Variants in ELMO1 observed in about 807,000 individuals in gnomAD.
ELMO1 encodes the protein engulfment and cell motility 1, also known as engulfment and cell motility protein 1.
In ELMO1, 26 loss-of-function variants were observed where a neutral mutation model predicts 98.9. The observed-to-expected ratio is 0.26, with a 90% confidence interval of 0.19 to 0.36. The LOEUF (loss-of-function observed/expected upper bound fraction) is 0.36. ELMO1 is among the 10% of genes least tolerant of loss of function. The probability of loss-of-function intolerance (pLI) is 1.00; values close to 1 mark genes in which losing one functional copy is unlikely to be tolerated. For missense variants in ELMO1, 627 were observed against 935.2 expected (o/e 0.67, Z 4.30); for synonymous variants, 346 against 346.0 (o/e 1.00, Z 0.00).
At chr7:37,207,907 T>TTAC (rs1263894659) in intron 13 of ELMO1, among the ~76,000 whole-genome samples, 1 of 152,212 alleles carries the variant, frequency 6.6e-6, no homozygotes, top group East Asian at 1.9e-4. Flanking sequence ...GTGTTATGAC[T>TTAC]AAACTTACAA....
At position 37,342,652 on chromosome 7, in the gene ELMO1, T is replaced by C. The variant is rs575422538; in HGVS notation, c.39A>G (p.Glu13=). 2.0e-4 allele frequency: 317 copies of C among 1,613,010 alleles called. 2 individuals carry two copies. The South Asian group carries it at 3.4e-3, about 17-fold the overall frequency. Residue 13 remains glutamate (E), a synonymous_variant, in exon 2 of 22, where the codon GAA becomes GAG. Transcript: ENST00000310758. The surrounding 1 kb of genome is among the most constrained non-coding windows in gnomAD (Gnocchi z 4.3). ...PPADIVKVAI[E]WPGAYPKLME... ...TGAGTTTGGGGTAGGCGCCCGGCCA[T>C]TCTATGGCCACCTTGACGATGTCCG...
At chr7:37,165,336 C>G (rs1330888846) in intron 13 of ELMO1, among the ~76,000 whole-genome samples, 1 of 150,966 alleles carries the variant, frequency 6.6e-6, no homozygotes, top group Admixed American at 6.6e-5. Flanking sequence ...ATTTCCTTCT[C>G]CTGCCTGATT....
At chr7:37,308,761 T>C (rs1023686558) in intron 4 of ELMO1, among the ~76,000 whole-genome samples, 4 of 152,168 alleles carry the variant, frequency 2.6e-5, no homozygotes, top group Admixed American at 6.5e-5. Context: ...GCCCAGATGA[T>C]GAGTGGCAGA....
intron 1 of ELMO1, among the ~76,000 whole-genome samples, chr7:37,398,934 T>C (rs936659389): frequency 5.3e-5 from 8 of 152,184 alleles, no homozygotes; most frequent in African/African-American, 1.9e-4. Flanking sequence ...TAGTGCGGCA[T>C]GGAGCAGTAT....
chr7:37,061,742 A>G (rs1203246393), intron 15 of ELMO1, among the ~76,000 whole-genome samples: 9 of 152,222 alleles, frequency 5.9e-5, no homozygotes, highest in Admixed American at 5.9e-4. Flanking sequence ...AACAATAAAC[A>G]AATTATACTG....
intron 15 of ELMO1, among the ~76,000 whole-genome samples, chr7:37,059,918 CG>C (rs1331867887): frequency 6.6e-6 from 1 of 152,184 alleles, no homozygotes; most frequent in Admixed American, 6.5e-5. Context: ...CACCTGTTGG[CG>C]TTTATTTCTG....
In ELMO1 at chr7:37,125,978, T is replaced by C. The variant is rs939389938; in HGVS notation, c.1191+7152A>G. On this transcript the variant is annotated intron_variant, in intron 14 of 21. Transcript: ENST00000310758. ...AATACTATGCAGCCATAAAAAATGA[T>C]GAGGTCATGTCCTTTGTAAGGACAT... is the stretch of plus-strand genomic sequence containing the variant. Among the ~76,000 whole-genome samples, 4 of 152,080 alleles carry C rather than the reference T, an allele frequency of 2.6e-5. No individual in the cohort carries two copies. In the East Asian group the frequency reaches 7.7e-4, roughly 29 times the overall value.
intron 21 of ELMO1, among the ~76,000 whole-genome samples, chr7:36,861,152 C>T (rs1359898587): frequency 6.6e-6 from 1 of 152,102 alleles, no homozygotes. Flanking sequence ...CAGCGTGCTA[C>T]AAGAAGAGAA....
At chr7:37,211,335 C>G in intron 13 of ELMO1, 51 bp downstream of exon 13, 1 of 1,612,528 alleles carries the variant, frequency 6.2e-7, no homozygotes, top group South Asian at 1.1e-5. Flanking sequence ...TGGCTGAGGT[C>G]AGGCCCGGGG....
intron 2 of ELMO1, among the ~76,000 whole-genome samples, chr7:37,331,333 CTTT>C (rs776303689): frequency 3.1e-4 from 9 of 28,736 alleles, no homozygotes; most frequent in African/African-American, 6.7e-4. Flanking sequence ...CCACGCCTGG[CTTT>C]TTTTTTTTTT....
At chr7:37,024,160 T>C (rs181791535) in intron 15 of ELMO1, among the ~76,000 whole-genome samples, 70 of 152,226 alleles carry the variant, frequency 4.6e-4, no homozygotes, top group Middle Eastern at 3.4e-3. Flanking sequence ...TCCATCTAAC[T>C]AGCAAGACGG....
chr7:36,978,237 C>T (rs1052950046), intron 16 of ELMO1, among the ~76,000 whole-genome samples: 11 of 151,866 alleles, frequency 7.2e-5, no homozygotes, highest in African/African-American at 2.7e-4. Flanking sequence ...GCTCATGGAG[C>T]CCAGAGGTAG....
chr7:37,097,300 G>A lies in ELMO1; in HGVS notation c.1192-573C>T, dbSNP rs138306537. On this transcript the variant is annotated intron_variant, in intron 14 of 21. Transcript: ENST00000310758. ...CGTCTGTAATCCCAGCACTGCGGGA[G>A]GCCGAGGCGGGCGGATCATTGGAGG... Among the ~76,000 whole-genome samples the A allele has an allele frequency of 9.4e-3, 1,431 of 152,356 alleles. 14 individuals are homozygous for A. The highest frequency in any genetic ancestry group is 0.013 in the Admixed American group (194 of 15,304).
At chr7:37,290,223 T>C (rs1797604367) in intron 4 of ELMO1, among the ~76,000 whole-genome samples, 1 of 152,188 alleles carries the variant, frequency 6.6e-6, no homozygotes, top group African/African-American at 2.4e-5. Context: ...GGCTCTATAA[T>C]GAGATTTTAG....
chr7:36,887,479 C>A, intron 18 of ELMO1, 81 bp downstream of exon 18: 1 of 1,359,598 alleles, frequency 7.4e-7, no homozygotes, highest in South Asian at 1.2e-5. Context: ...ACCCGTAAAC[C>A]AACACCATGC....
In ELMO1 at chr7:37,081,389, G is replaced by A. The variant is rs552952058; in HGVS notation, c.1300+15230C>T. On this transcript the variant is annotated intron_variant, in intron 15 of 21. Transcript: ENST00000310758. Reference sequence around the variant, plus strand: ...AGAATCAGGATATAAAGTAATATGCGTATTAGTTCATTTTTATAATAAAAT... The same window carrying A: ...AGAATCAGGATATAAAGTAATATGCATATTAGTTCATTTTTATAATAAAAT... Among the ~76,000 whole-genome samples, 191 of 152,276 alleles carry A rather than the reference G, an allele frequency of 1.3e-3. 1 individual carries two copies. The highest frequency in any genetic ancestry group is 5.0e-3 in the East Asian group (26 of 5,192).
At chr7:37,322,535 C>T (rs59309585) in intron 2 of ELMO1, among the ~76,000 whole-genome samples, 29,117 of 151,332 alleles carry the variant, frequency 0.19, 3,482 homozygotes, top group East Asian at 0.5. Flanking sequence ...GCAGAAAAAT[C>T]GCTTGAATCT....
chr7:37,205,968 G>A (rs1247093017), intron 13 of ELMO1, among the ~76,000 whole-genome samples: 1 of 151,882 alleles, frequency 6.6e-6, no homozygotes, highest in Non-Finnish European at 1.5e-5. Context: ...ATAAACATTG[G>A]CCATGATAAA....
chr7:36,890,738 T>C (rs1449088858), intron 17 of ELMO1, among the ~76,000 whole-genome samples: 1 of 152,222 alleles, frequency 6.6e-6, no homozygotes, highest in African/African-American at 2.4e-5. Flanking sequence ...TTAGTGTCTA[T>C]TTCCAATACA....
Sources: allele counts gnomAD v4.1 joint callset (sites outside exome capture counted in the v4.1 genomes callset), GRCh38; gene constraint gnomAD v4.1.1; non-coding constraint Gnocchi (gnomAD v3.1); transcripts MANE v1.5; gene names NCBI Gene and HGNC (gene_info 2026-07-23, HGNC 2026-07-21).